The following CLASP1 variants were observed in gnomAD, a reference collection of about 807,000 sequenced individuals.
The protein encoded by CLASP1 is CLIP-associating protein 1.
CLASP1 carries 38 observed loss-of-function variants against 192.3 expected under a neutral mutation model. The observed-to-expected ratio is 0.20, with a 90% CI of 0.15 to 0.26. CLASP1 has a LOEUF of 0.26. Ranked by LOEUF, CLASP1 falls within the 10% of genes least tolerant of loss-of-function variation. CLASP1 has a pLI of 1.00. For missense variants in CLASP1, 1,433 were observed against 1,932.5 expected (o/e 0.74, Z 4.85); for synonymous variants, 691 against 712.8 (o/e 0.97, Z 0.49).
chr2:121,547,440 C>T lies in CLASP1; in HGVS notation c.196-17115G>A, dbSNP rs557550861. On this transcript the variant is annotated intron_variant, in intron 2 of 39. Transcript: ENST00000263710. ...GGGAACCCCCAGCTTGGGCTCGCAGCGAAGACCCTCCATCCTGAGCTGATT... is the reference window on the plus strand; with the variant it reads ...GGGAACCCCCAGCTTGGGCTCGCAGTGAAGACCCTCCATCCTGAGCTGATT... Among the ~76,000 whole-genome samples the T allele has an allele frequency of 7.9e-5, 12 of 151,928 alleles. No individual in the cohort carries two copies. In the East Asian group the frequency reaches 1.4e-3, roughly 17 times the overall value.
At chr2:121,432,771 A>G (rs2081650207) in intron 19 of CLASP1, among the ~76,000 whole-genome samples, 1 of 152,090 alleles carries the variant, frequency 6.6e-6, no homozygotes, top group Non-Finnish European at 1.5e-5. Flanking sequence ...TGGAATCATT[A>G]TATTTTGATC....
chr2:121,521,210 T>G (rs1375296068), intron 6 of CLASP1, among the ~76,000 whole-genome samples: 1 of 152,200 alleles, frequency 6.6e-6, no homozygotes, highest in Non-Finnish European at 1.5e-5. Context: ...ATAATCTAAC[T>G]TTTGCTTCAA....
rs2082713942 is a variant in CLASP1, at chr2:121,438,572, C to T, written c.1913-8395G>A. ...ACATCAATAACTAAGCCCTTTTCTG[C>T]ATCTATTGAGATAATCATGTGGTTT... On this transcript the variant is annotated intron_variant, in intron 19 of 39. Transcript: ENST00000263710. 2.0e-5 allele frequency among the ~76,000 whole-genome samples: 3 copies of T among 152,132 alleles called. No individual in the cohort carries two copies. In the South Asian group the frequency reaches 6.2e-4, roughly 31 times the overall value.
At chr2:121,375,708 C>A (rs2069944961) in intron 34 of CLASP1, among the ~76,000 whole-genome samples, 2 of 152,110 alleles carry the variant, frequency 1.3e-5, no homozygotes, top group Non-Finnish European at 2.9e-5. Flanking sequence ...CAACATCCTC[C>A]CTAGGCACCA....
chr2:121,572,998 C>T (rs1297384906), intron 2 of CLASP1, among the ~76,000 whole-genome samples: 1 of 152,178 alleles, frequency 6.6e-6, no homozygotes, highest in East Asian at 1.9e-4. Context: ...CTCGTCCTGT[C>T]GCCCAGGCTA....
At position 121,425,325 on chromosome 2, in the gene CLASP1, G is replaced by A; in HGVS notation, c.2045-19C>T. 6.2e-7 allele frequency: 1 copy of A among 1,607,814 alleles called. No homozygotes were observed. Among genetic ancestry groups the A allele is most frequent in the South Asian group, 1.1e-5 (1 of 90,090 alleles). ...CTGCCAGCTAAAAGTGAAGCAAAAT[G>A]ACAATGAATAATAGATGTAAATGTA... is the stretch of plus-strand genomic sequence containing the variant. On this transcript the variant is annotated intron_variant, in intron 21 of 39. Coordinates refer to ENST00000263710, the Ensembl canonical transcript of CLASP1.
chr2:121,361,303 T>C (rs1449705651), intron 37 of CLASP1, among the ~76,000 whole-genome samples: 7 of 152,190 alleles, frequency 4.6e-5, no homozygotes, highest in South Asian at 2.1e-4. Context: ...CCAGCCTGGG[T>C]GACAAAGCAA....
At chr2:121,444,333 G>A (rs551433787) in intron 19 of CLASP1, among the ~76,000 whole-genome samples, 4 of 152,268 alleles carry the variant, frequency 2.6e-5, no homozygotes, top group Non-Finnish European at 4.4e-5. Context: ...CGGTTGATGA[G>A]GGGATGAATG....
intron 37 of CLASP1, among the ~76,000 whole-genome samples, chr2:121,362,421 G>A (rs1354136883): frequency 1.3e-5 from 2 of 152,194 alleles, no homozygotes; most frequent in Non-Finnish European, 2.9e-5. Context: ...CATGTGTGCA[G>A]GACACAGAGA....
At chr2:121,435,137 A>G (rs2082083889) in intron 19 of CLASP1, among the ~76,000 whole-genome samples, 1 of 152,228 alleles carries the variant, frequency 6.6e-6, no homozygotes, top group South Asian at 2.1e-4. Context: ...CCTGGGAAAC[A>G]TAGCAAGACC....
At chr2:121,606,498 TC>T (rs1471912706) in intron 1 of CLASP1, among the ~76,000 whole-genome samples, 3 of 152,178 alleles carry the variant, frequency 2.0e-5, no homozygotes, top group Non-Finnish European at 2.9e-5. Context: ...ATTTGTAACT[TC>T]AATTCTATTT....
chr2:121,443,625 T>G (rs2083769961), intron 19 of CLASP1, among the ~76,000 whole-genome samples: 1 of 152,250 alleles, frequency 6.6e-6, no homozygotes, highest in Non-Finnish European at 1.5e-5. Context: ...TTTCTTGTCC[T>G]TATTTTAATT....
chr2:121,514,246 C>A (rs2094223186), intron 7 of CLASP1, among the ~76,000 whole-genome samples: 1 of 152,198 alleles, frequency 6.6e-6, no homozygotes, highest in Non-Finnish European at 1.5e-5. Context: ...GGTCTGGGGT[C>A]ACATCAAGTT....
At chr2:121,470,569 A>G in intron 8 of CLASP1, 2 of 406,072 alleles carry the variant, frequency 4.9e-6, no homozygotes, top group South Asian at 3.6e-5. Flanking sequence ...GGTACAAGTG[A>G]AACACTCTTA....
intron 30 of CLASP1, among the ~76,000 whole-genome samples, chr2:121,391,563 T>C (rs903774160): frequency 6.6e-6 from 1 of 152,218 alleles, no homozygotes; most frequent in African/African-American, 2.4e-5. Context: ...ATCTTGAAAG[T>C]AGTATTCTTG....
chr2:121,575,014 G>A (rs567990296), intron 2 of CLASP1, among the ~76,000 whole-genome samples: 4 of 151,968 alleles, frequency 2.6e-5, no homozygotes, highest in East Asian at 1.9e-4. Flanking sequence ...GTGAGGTAAC[G>A]CATATACTAA....
intron 1 of CLASP1, among the ~76,000 whole-genome samples, chr2:121,628,648 T>C (rs1426285759): frequency 6.7e-6 from 1 of 148,554 alleles, no homozygotes; most frequent in Admixed American, 6.8e-5. Flanking sequence ...CACTCCAGCC[T>C]GGGTGACAGA....
At chr2:121,531,145 C>T in intron 2 of CLASP1, 1 of 613,448 alleles carries the variant, frequency 1.6e-6, no homozygotes, top group South Asian at 1.8e-5. Context: ...TCAGTTTTTG[C>T]GGTGATTAAA....
chr2:121,397,209 A>G (rs1205779841), exon 30 of CLASP1: 1 of 1,613,648 alleles, frequency 6.2e-7, no homozygotes, highest in African/African-American at 1.3e-5. Context: ...GCCTTGTCTC[A>G]CTAGAGTTTA....
Sources: allele counts gnomAD v4.1 joint callset (sites outside exome capture counted in the v4.1 genomes callset), GRCh38; gene constraint gnomAD v4.1.1; transcripts MANE v1.5; gene names NCBI Gene and HGNC (gene_info 2026-07-23, HGNC 2026-07-21).